The following CDIN1 variants were observed in gnomAD, a reference collection of about 807,000 sequenced individuals.
The protein encoded by CDIN1 is CDAN1 interacting nuclease 1.
Under a neutral mutation model 45.3 loss-of-function variants are expected in CDIN1, and 33 were observed. The observed-to-expected ratio is 0.73, with a 90% CI of 0.55 to 0.97. The LOEUF (loss-of-function observed/expected upper bound fraction) is 0.97, where lower values mean the gene tolerates loss of function less well. Among genes scored for constraint, CDIN1 ranks in the 50% least tolerant of loss-of-function variants. The pLI, the probability that CDIN1 is intolerant of heterozygous loss-of-function variation, is 0.00. For missense variants in CDIN1, 303 were observed against 339.4 expected, an observed-to-expected ratio of 0.89 and a Z score of 0.84; for synonymous variants, 118 against 124.4, an observed-to-expected ratio of 0.95 and a Z score of 0.34.
intron 10 of CDIN1, among the ~76,000 whole-genome samples, chr15:36,768,489 C>T (rs571862149): frequency 4.2e-4 from 64 of 152,308 alleles, no homozygotes; most frequent in African/African-American, 1.4e-3. Flanking sequence ...TCTCCCTGTT[C>T]CCAAAGGTAG....
Position 36,719,320 on chromosome 15 carries a change from T to C in CDIN1, c.716+9359T>C, listed in dbSNP as rs1314741512. On this transcript the variant is annotated intron_variant, in intron 10 of 10. Transcript: ENST00000566621. Reference sequence around the variant, plus strand: ...CCTTCTAGTCCTAGTTTGCTACAAGTTTTTATCAAAAATTGGTGTTGGATT... The same window carrying C: ...CCTTCTAGTCCTAGTTTGCTACAAGCTTTTATCAAAAATTGGTGTTGGATT... Among the ~76,000 whole-genome samples, 6 of 152,250 alleles carry C rather than the reference T, an allele frequency of 3.9e-5. No homozygotes were observed. In the East Asian group the frequency reaches 1.2e-3, roughly 29 times the overall value.
At chr15:36,623,574 G>A (rs551072072) in intron 1 of CDIN1, among the ~76,000 whole-genome samples, 3 of 152,236 alleles carry the variant, frequency 2.0e-5, no homozygotes, top group South Asian at 2.1e-4. Context: ...AGTTGTTGAC[G>A]CCATGGGGCA....
intron 7 of CDIN1, among the ~76,000 whole-genome samples, chr15:36,696,033 G>T (rs1429050970): frequency 6.8e-6 from 1 of 148,074 alleles, no homozygotes; most frequent in Non-Finnish European, 1.5e-5. Flanking sequence ...GACTTGACAG[G>T]GATCTTGTTG....
intron 10 of CDIN1, among the ~76,000 whole-genome samples, chr15:36,784,018 G>A (rs939107434): frequency 6.6e-6 from 1 of 152,146 alleles, no homozygotes; most frequent in African/African-American, 2.4e-5. Flanking sequence ...AAGAGAAAAT[G>A]AACGTAAAGC....
intron 1 of CDIN1, among the ~76,000 whole-genome samples, chr15:36,581,034 CTT>C (rs1251276896): frequency 2.0e-5 from 3 of 152,208 alleles, no homozygotes; most frequent in Non-Finnish European, 4.4e-5. Context: ...GAAGGAGTCT[CTT>C]TTCAATATTA....
intron 5 of CDIN1, among the ~76,000 whole-genome samples, chr15:36,689,471 A>G (rs1021090769): frequency 3.3e-5 from 5 of 152,188 alleles, no homozygotes; most frequent in African/African-American, 1.2e-4. Flanking sequence ...TGGGGTCCAT[A>G]CAGAGAAGGT....
At chr15:36,620,737 G>A (rs1172267324) in intron 1 of CDIN1, among the ~76,000 whole-genome samples, 5 of 152,064 alleles carry the variant, frequency 3.3e-5, no homozygotes, top group Admixed American at 3.3e-4. Context: ...ATGAAACATT[G>A]TGACTGACTC....
At chr15:36,582,915 T>A (rs1052324387) in intron 1 of CDIN1, among the ~76,000 whole-genome samples, 1 of 152,256 alleles carries the variant, frequency 6.6e-6, no homozygotes, top group African/African-American at 2.4e-5. Flanking sequence ...TTGTACCTTT[T>A]TCCAAATTTT....
intron 10 of CDIN1, among the ~76,000 whole-genome samples, chr15:36,749,071 C>T (rs957202631): frequency 2.0e-5 from 3 of 152,146 alleles, no homozygotes; most frequent in African/African-American, 7.2e-5. Context: ...AAGTCATAAA[C>T]ACTCACTCGT....
intron 1 of CDIN1, among the ~76,000 whole-genome samples, chr15:36,633,724 T>G (rs1248699410): frequency 1.3e-5 from 2 of 152,024 alleles, no homozygotes; most frequent in African/African-American, 4.8e-5. Flanking sequence ...ACTGACAATT[T>G]TATTTACACT....
intron 1 of CDIN1, among the ~76,000 whole-genome samples, chr15:36,623,131 T>G (rs1310167638): frequency 6.6e-6 from 1 of 152,146 alleles, no homozygotes; most frequent in Non-Finnish European, 1.5e-5. Flanking sequence ...TTTGATTGGG[T>G]TGTGTTATTT....
intron 10 of CDIN1, among the ~76,000 whole-genome samples, chr15:36,757,037 A>G (rs1388368749): frequency 1.3e-5 from 2 of 152,190 alleles, no homozygotes; most frequent in East Asian, 3.9e-4. Context: ...ACTTAGAACA[A>G]TCAGAGAACA....
chr15:36,709,203 A>G lies in CDIN1; in HGVS notation c.545-20A>G. 1 of 1,579,102 alleles carries G rather than the reference A, an allele frequency of 6.3e-7. No individual in the cohort carries two copies. Among genetic ancestry groups the G allele is most frequent in the Non-Finnish European group, 8.6e-7 (1 of 1,163,524 alleles). On this transcript the variant is annotated intron_variant, in intron 8 of 10. Transcript: ENST00000566621. ...TAATTGAATAGTGTTTTAAGTAAAT[A>G]GTGTTTGTTCTTCCTGTAGATGAAG...
intron 5 of CDIN1, among the ~76,000 whole-genome samples, chr15:36,666,384 T>C (rs1354583880): frequency 6.6e-6 from 1 of 152,182 alleles, no homozygotes; most frequent in Admixed American, 6.5e-5. Flanking sequence ...ACCTAGTCTC[T>C]TTGTAGTTGT....
intron 10 of CDIN1, among the ~76,000 whole-genome samples, chr15:36,776,032 A>G (rs887941037): frequency 6.6e-6 from 1 of 152,232 alleles, no homozygotes; most frequent in African/African-American, 2.4e-5. Context: ...TCTCCCAAGT[A>G]TTTGGCTTAA....
intron 10 of CDIN1, among the ~76,000 whole-genome samples, chr15:36,781,682 C>T (rs1026677425): frequency 2.6e-5 from 4 of 152,178 alleles, no homozygotes; most frequent in Admixed American, 1.3e-4. Context: ...AGTACATGCA[C>T]GAAATTCAAG....
At chr15:36,605,515 T>C (rs771621783) in intron 1 of CDIN1, among the ~76,000 whole-genome samples, 4 of 152,200 alleles carry the variant, frequency 2.6e-5, no homozygotes, top group Non-Finnish European at 5.9e-5. Context: ...TAGCTGGAAT[T>C]GTCTATAAAG....
chr15:36,776,174 A>G (rs1378411661), intron 10 of CDIN1, among the ~76,000 whole-genome samples: 1 of 152,232 alleles, frequency 6.6e-6, no homozygotes, highest in African/African-American at 2.4e-5. Flanking sequence ...CGACCCATTC[A>G]CATTCTTCTG....
intron 10 of CDIN1, among the ~76,000 whole-genome samples, chr15:36,712,234 G>C (rs1595506082): frequency 8.0e-6 from 1 of 125,256 alleles, no homozygotes; most frequent in African/African-American, 3.0e-5. Flanking sequence ...CAATAAGACT[G>C]TTCAATTACT....
Sources: allele counts gnomAD v4.1 joint callset (sites outside exome capture counted in the v4.1 genomes callset), GRCh38; gene constraint gnomAD v4.1.1; transcripts MANE v1.5; gene names NCBI Gene and HGNC (gene_info 2026-07-23, HGNC 2026-07-21).